Variants in XXYLT1 observed in about 807,000 individuals in gnomAD.
XXYLT1 encodes the protein UDP-xylose:alpha-xyloside alpha-1,3-xylosyltransferase.
Under a neutral mutation model 28.9 loss-of-function variants are expected in XXYLT1, and 20 were observed. The ratio of observed to expected loss-of-function variants is 0.69; its 90% CI spans 0.49 to 1.00. XXYLT1 has a LOEUF of 1.00. Among genes scored for constraint, XXYLT1 ranks in the 50% least tolerant of loss-of-function variants. XXYLT1 has a pLI of 0.00. For synonymous variants in XXYLT1, 257 were observed against 253.8 expected (o/e 1.01, Z -0.12); for missense variants, 542 against 560.1 (o/e 0.97, Z 0.33).
At chr3:195,114,228 G>A (rs1344673161) in intron 3 of XXYLT1, among the ~76,000 whole-genome samples, 2 of 152,192 alleles carry the variant, frequency 1.3e-5, no homozygotes, top group Non-Finnish European at 2.9e-5. Flanking sequence ...GCTGCATTGG[G>A]TGGCCCCCTT....
At chr3:195,225,413 A>C (rs1007186815) in intron 2 of XXYLT1, among the ~76,000 whole-genome samples, 1 of 151,926 alleles carries the variant, frequency 6.6e-6, no homozygotes, top group Non-Finnish European at 1.5e-5. Context: ...CCGAGCTTCA[A>C]CTCTCAACTC....
chr3:195,142,255 G>T (rs1268005774), intron 3 of XXYLT1, among the ~76,000 whole-genome samples: 1 of 152,168 alleles, frequency 6.6e-6, no homozygotes. Context: ...TATCAAACGT[G>T]TTCTAGTTTA....
intron 2 of XXYLT1, among the ~76,000 whole-genome samples, chr3:195,190,761 A>G (rs1307956510): frequency 6.6e-6 from 1 of 152,080 alleles, no homozygotes; most frequent in African/African-American, 2.4e-5. Flanking sequence ...ATAGTATGGA[A>G]GGGGGAAAGA....
intron 3 of XXYLT1, among the ~76,000 whole-genome samples, chr3:195,089,655 G>A (rs553231312): frequency 2.0e-5 from 3 of 151,774 alleles, no homozygotes; most frequent in South Asian, 4.2e-4. Context: ...CATAATGACA[G>A]GATCAAATTC....
Position 195,180,403 on chromosome 3 carries a change from C to T in XXYLT1, c.653-23822G>A. ...CCTCAAGACACACTTCCTTCGGCTG[C>T]AGCCTCGCCGATTCCCGAGCTGTTT... On this transcript the variant is annotated intron_variant, in intron 2 of 3. Coordinates refer to ENST00000310380, the MANE Select transcript of XXYLT1 (RefSeq NM_152531.5). The surrounding 1 kb of genome is among the most constrained non-coding windows in gnomAD (Gnocchi z 5.8). 7 of 985,654 alleles carry T rather than the reference C, an allele frequency of 7.1e-6. No homozygotes were observed. The highest frequency in any genetic ancestry group is 7.2e-6 in the Non-Finnish European group (6 of 830,110). 61.1% of individuals were successfully genotyped at this position (985,654 alleles called of 1,614,324 possible).
At chr3:195,144,998 C>T (rs1400659794) in intron 3 of XXYLT1, among the ~76,000 whole-genome samples, 1 of 151,812 alleles carries the variant, frequency 6.6e-6, no homozygotes, top group African/African-American at 2.4e-5. Flanking sequence ...ACGCAATCTT[C>T]CAGGCTCTCT....
At chr3:195,268,167 C>T (rs553421799) in intron 1 of XXYLT1, among the ~76,000 whole-genome samples, 2 of 152,174 alleles carry the variant, frequency 1.3e-5, no homozygotes, top group Admixed American at 6.5e-5. Flanking sequence ...CGGTGGTTCA[C>T]GCCTGTAATT....
At position 195,210,638 on chromosome 3, in the gene XXYLT1, TA is replaced by T. The variant is rs2108778080; in HGVS notation, c.652+16070del. ...GAAAGAGCTTCTGGCATTAAATTAG[TA>T]GAAAATGGTCTCTACCACGTTACTA... On this transcript the variant is annotated intron_variant, in intron 2 of 3. Coordinates refer to ENST00000310380, the MANE Select transcript of XXYLT1 (RefSeq NM_152531.5). This position sits in a 1 kb window ranked among gnomAD's most constrained non-coding sequence, Gnocchi z 4.8. Among the ~76,000 whole-genome samples the T allele has an allele frequency of 6.6e-6, 1 of 152,356 alleles. No individual in the cohort carries two copies. Among genetic ancestry groups the T allele is most frequent in the Non-Finnish European group, 1.5e-5 (1 of 68,028 alleles).
intron 3 of XXYLT1, among the ~76,000 whole-genome samples, chr3:195,140,542 G>T (rs1469616845): frequency 6.6e-6 from 1 of 152,202 alleles, no homozygotes; most frequent in Admixed American, 6.5e-5. Flanking sequence ...TCTGCAGACT[G>T]TACAGGAAGC....
intron 2 of XXYLT1, among the ~76,000 whole-genome samples, chr3:195,175,306 A>G (rs1320559038): frequency 6.6e-6 from 1 of 152,258 alleles, no homozygotes; most frequent in Non-Finnish European, 1.5e-5. Flanking sequence ...CGCAGCGTGC[A>G]CTGGCTGAGC....
chr3:195,152,397 AT>A (rs1448155707), intron 3 of XXYLT1: 1 of 152,576 alleles, frequency 6.6e-6, no homozygotes, highest in Non-Finnish European at 1.5e-5. Flanking sequence ...CAGCGCTATG[AT>A]TTCCAGATGG....
chr3:195,096,368 C>A (rs544536405), intron 3 of XXYLT1, among the ~76,000 whole-genome samples: 1 of 152,284 alleles, frequency 6.6e-6, no homozygotes, highest in South Asian at 2.1e-4. Context: ...CAACATGTGA[C>A]GCAGACACCA....
chr3:195,154,958 G>A (rs548014130), intron 3 of XXYLT1, among the ~76,000 whole-genome samples: 5 of 152,248 alleles, frequency 3.3e-5, no homozygotes, highest in African/African-American at 4.8e-5. Context: ...GATCTTCCTG[G>A]TATGAAGGGG....
intron 3 of XXYLT1, among the ~76,000 whole-genome samples, chr3:195,088,068 G>C (rs1003788986): frequency 2.6e-5 from 4 of 151,894 alleles, no homozygotes; most frequent in Non-Finnish European, 4.4e-5. Context: ...CCAGCACAGC[G>C]GTCTGAGATC....
chr3:195,254,802 C>T (rs1448165668), intron 1 of XXYLT1, among the ~76,000 whole-genome samples: 1 of 152,254 alleles, frequency 6.6e-6, no homozygotes, highest in African/African-American at 2.4e-5. Flanking sequence ...GCGCTGTGCA[C>T]ATTCAGTCAC....
chr3:195,255,227 G>C lies in XXYLT1; in HGVS notation c.504+15328C>G, dbSNP rs1322918699. Among the ~76,000 whole-genome samples, 1 of 152,216 alleles carries C rather than the reference G, an allele frequency of 6.6e-6. No homozygotes were observed. The highest frequency in any genetic ancestry group is 2.4e-5 in the African/African-American group (1 of 41,446). ...TTCCGAGTACCATGCTCGCACAACAGGGAGCCGCCGACCAGGCCTGGAGAT... is the reference window on the plus strand; with the variant it reads ...TTCCGAGTACCATGCTCGCACAACACGGAGCCGCCGACCAGGCCTGGAGAT... On this transcript the variant is annotated intron_variant, in intron 1 of 3. Transcript: ENST00000310380. The surrounding 1 kb of genome is among the most constrained non-coding windows in gnomAD (Gnocchi z 4.5).
chr3:195,237,675 C>T (rs1257649215), intron 1 of XXYLT1, among the ~76,000 whole-genome samples: 3 of 151,972 alleles, frequency 2.0e-5, no homozygotes, highest in African/African-American at 7.3e-5. Flanking sequence ...CCACATTGGT[C>T]CTCCTCATTC....
intron 1 of XXYLT1, among the ~76,000 whole-genome samples, chr3:195,265,609 T>A (rs942303677): frequency 6.6e-6 from 1 of 152,064 alleles, no homozygotes; most frequent in African/African-American, 2.4e-5. Flanking sequence ...AGAGGAGACA[T>A]GAGAGGCGCC....
At position 195,220,797 on chromosome 3, in the gene XXYLT1, C is replaced by T. The variant is rs191859568; in HGVS notation, c.652+5912G>A. Among the ~76,000 whole-genome samples, 268 of 152,328 alleles carry T rather than the reference C, an allele frequency of 1.8e-3. 1 individual carries two copies. Among genetic ancestry groups the T allele is most frequent in the Non-Finnish European group, 3.0e-3 (202 of 68,024 alleles). On this transcript the variant is annotated intron_variant, in intron 2 of 3. Coordinates refer to ENST00000310380, the MANE Select transcript of XXYLT1 (RefSeq NM_152531.5). Reference sequence around the variant, plus strand: ...CCTGTCAGGAGGCAGACACTACCAGCAGGTTGTGTGTGATGGGGTCCAAGC... The same window carrying T: ...CCTGTCAGGAGGCAGACACTACCAGTAGGTTGTGTGTGATGGGGTCCAAGC...
Sources: gnomAD v4.1 joint callset for allele counts (sites outside exome capture counted in the v4.1 genomes callset) on GRCh38, gnomAD v4.1.1 for gene constraint, Gnocchi (gnomAD v3.1) non-coding constraint, MANE v1.5 for transcripts, NCBI Gene and HGNC (gene_info 2026-07-23, HGNC 2026-07-21) for gene names.